CALCOCO2: variants seen among roughly 807,000 people sequenced by gnomAD.
CALCOCO2 encodes the protein calcium-binding and coiled-coil domain-containing protein 2.
CALCOCO2 carries 42 observed loss-of-function variants against 62.5 expected under a neutral mutation model. The observed-to-expected ratio is 0.67, with a 90% CI of 0.53 to 0.87. The LOEUF (loss-of-function observed/expected upper bound fraction) is 0.87. Among genes scored for constraint, CALCOCO2 ranks in the 40% least tolerant of loss-of-function variants. The pLI, the probability that CALCOCO2 is intolerant of heterozygous loss-of-function variation, is 0.00. For missense variants in CALCOCO2, 456 were observed against 515.0 expected (o/e 0.89, Z 1.11); for synonymous variants, 167 against 173.0 (o/e 0.97, Z 0.27).
rs746558307 is a variant in CALCOCO2 at position 48,841,739 on chromosome 17, C to T, written c.32C>T (p.Ser11Leu). 2 of 1,613,370 alleles carry T rather than the reference C, an allele frequency of 1.2e-6. No individual in the cohort carries two copies. Among genetic ancestry groups the T allele is most frequent in the Non-Finnish European group, 1.7e-6 (2 of 1,179,520 alleles). Residue 11 changes from serine (S) to leucine (L), a missense_variant, in exon 2 of 13, where the codon TCA (serine) becomes TTA (leucine). Physicochemically the swap from Ser to Leu is moderately radical, Grantham distance 145. Coordinates refer to ENST00000258947, the MANE Select transcript of CALCOCO2 (RefSeq NM_005831.5). ...GAGACCATCAAAGATCCCCCCACATCAGCTGTCTTGCTGGATCACTGTCAT... is the reference window on the plus strand; with the variant it reads ...GAGACCATCAAAGATCCCCCCACATTAGCTGTCTTGCTGGATCACTGTCAT... MEETIKDPPTSAVLLDHCHFS... is the reference protein window; with the variant it reads MEETIKDPPTLAVLLDHCHFS...
At position 48,863,908 on chromosome 17, in the gene CALCOCO2, G is replaced by A. The variant is rs1475968723; in HGVS notation, c.*903G>A. On this transcript the variant is annotated 3_prime_UTR_variant, in exon 13 of 13. Transcript: ENST00000258947. ...GTTTTGAAGCTCATGGGAAAATTGT[G>A]ATCAAAAGGGCTATGGGAAGGGCAG... 1 of 151,962 alleles carries A rather than the reference G, an allele frequency of 6.6e-6. No individual in the cohort carries two copies. Among genetic ancestry groups the A allele is most frequent in the African/African-American group, 2.4e-5 (1 of 41,362 alleles). The allele number at this position is 151,962 out of a possible 1,614,324, so 9.4% of individuals were successfully genotyped here.
chr17:48,859,324 A>G (rs1283247565), intron 10 of CALCOCO2, among the ~76,000 whole-genome samples: 1 of 152,158 alleles, frequency 6.6e-6, no homozygotes, highest in African/African-American at 2.4e-5. Context: ...AAGAAACTGA[A>G]AAAATATTCT....
At chr17:48,858,028 A>G (rs1274048735) in intron 10 of CALCOCO2, among the ~76,000 whole-genome samples, 7 of 15,746 alleles carry the variant, frequency 4.4e-4, no homozygotes, top group Non-Finnish European at 1.2e-3. Context: ...AGAATAGAAT[A>G]GAATAGAATA....
At chr17:48,845,459 G>A (rs2040039369) in intron 2 of CALCOCO2, among the ~76,000 whole-genome samples, 1 of 149,934 alleles carries the variant, frequency 6.7e-6, no homozygotes, top group Non-Finnish European at 1.5e-5. Context: ...GCCAGGTGCT[G>A]TGGCTCATGC....
At chr17:48,852,649 AAC>A in intron 8 of CALCOCO2, 21 bp downstream of exon 8, 3 of 1,605,936 alleles carry the variant, frequency 1.9e-6, no homozygotes, top group Non-Finnish European at 2.5e-6. Flanking sequence ...GAGAGAAAAC[AAC>A]ACTTTTAGGC....
At chr17:48,833,145 A>G (rs1235828266) in intron 1 of CALCOCO2, among the ~76,000 whole-genome samples, 1 of 152,248 alleles carries the variant, frequency 6.6e-6, no homozygotes, top group Non-Finnish European at 1.5e-5. Context: ...CACCCATAGT[A>G]TCCACTGCTG....
At chr17:48,856,575 C>A in intron 10 of CALCOCO2, 1 of 456,612 alleles carries the variant, frequency 2.2e-6, no homozygotes, top group Non-Finnish European at 4.4e-6. Context: ...TGCTGCCAAA[C>A]CAGGAGCAGA....
chr17:48,863,280 T>G lies in CALCOCO2; in HGVS notation c.*275T>G. 1 of 390,742 alleles carries G rather than the reference T, an allele frequency of 2.6e-6. No individual in the cohort carries two copies. The highest frequency in any genetic ancestry group is 4.9e-6 in the Non-Finnish European group (1 of 204,284). The allele number at this position is 390,742 out of a possible 1,614,324, so 24.2% of individuals were successfully genotyped here. ...TCTGAGGGTCTCAGTACAAGGGCCC[T>G]GGGATGGAGCCAACCTGGGTATTCA... On this transcript the variant is annotated 3_prime_UTR_variant, in exon 13 of 13. Transcript: ENST00000258947.
chr17:48,836,428 C>T (rs1006610686), intron 1 of CALCOCO2, among the ~76,000 whole-genome samples: 3 of 152,206 alleles, frequency 2.0e-5, no homozygotes, highest in African/African-American at 7.2e-5. Context: ...CTCTTAGCCC[C>T]AGAGTCACCC....
At chr17:48,856,778 CTTTTT>C (rs549613504) in intron 10 of CALCOCO2, among the ~76,000 whole-genome samples, 33 of 139,006 alleles carry the variant, frequency 2.4e-4, no homozygotes, top group African/African-American at 7.3e-4. Flanking sequence ...TCTTTCTTTT[CTTTTT>C]TTTTTTTTTC....
At chr17:48,832,430 G>C (rs1338854162) in intron 1 of CALCOCO2, among the ~76,000 whole-genome samples, 1 of 152,216 alleles carries the variant, frequency 6.6e-6, no homozygotes, top group East Asian at 1.9e-4. Flanking sequence ...TTGGCAGTAT[G>C]TATTGATAGA....
intron 9 of CALCOCO2, among the ~76,000 whole-genome samples, chr17:48,854,684 G>T (rs1215302613): frequency 2.6e-5 from 4 of 151,572 alleles, no homozygotes; most frequent in Non-Finnish European, 5.9e-5. Flanking sequence ...GGGATTACAG[G>T]TGTGAGCCAC....
At chr17:48,852,477 C>A in intron 7 of CALCOCO2, 29 bp from the exon 8 acceptor site, 1 of 1,594,708 alleles carries the variant, frequency 6.3e-7, no homozygotes, top group Non-Finnish European at 8.6e-7. Flanking sequence ...TCTTTTATAT[C>A]TTGGTTATGT....
At chr17:48,850,875 G>A (rs374781928) in intron 5 of CALCOCO2, 40 of 312,750 alleles carry the variant, frequency 1.3e-4, no homozygotes, top group East Asian at 8.3e-4. Flanking sequence ...CCAAGACTGC[G>A]CCACTGCACT....
rs1041064120 is a variant in CALCOCO2, at chr17:48,847,283, C to T, written c.181-781C>T. On this transcript the variant is annotated intron_variant, in intron 2 of 12. Transcript: ENST00000258947. ...ATATCCAGGTTGGTATATGACAAGG[C>T]TTAATTGGACACAATAGAGGACACA... is the stretch of plus-strand genomic sequence containing the variant. 1.3e-5 allele frequency among the ~76,000 whole-genome samples: 2 copies of T among 151,920 alleles called. 1 individual carries two copies. Among genetic ancestry groups the T allele is most frequent in the African/African-American group, 4.8e-5 (2 of 41,334 alleles).
intron 9 of CALCOCO2, among the ~76,000 whole-genome samples, chr17:48,854,114 G>A (rs79212243): frequency 0.012 from 1,825 of 151,498 alleles, 41 homozygotes; most frequent in African/African-American, 0.042. Flanking sequence ...TCAGGAGTTC[G>A]AGACCAGCCT....
rs752729899 is a variant in CALCOCO2 at position 48,865,181 on chromosome 17, A to C, written c.*2176A>C. 3.9e-5 allele frequency: 6 copies of C among 152,202 alleles called. No individual in the cohort carries two copies. Among genetic ancestry groups the C allele is most frequent in the Admixed American group, 6.5e-5 (1 of 15,276 alleles). 9.4% of individuals were successfully genotyped at this position (152,202 alleles called of 1,614,324 possible). On this transcript the variant is annotated 3_prime_UTR_variant, in exon 13 of 13. Coordinates refer to ENST00000258947, the MANE Select transcript of CALCOCO2 (RefSeq NM_005831.5). ...TCTTTAACCACTGTTCATTATCCCC[A>C]GCTGCTCTTACCAAGGCTTTGAAGG...
chr17:48,838,912 A>G (rs891147868), intron 1 of CALCOCO2, among the ~76,000 whole-genome samples: 1 of 152,140 alleles, frequency 6.6e-6, no homozygotes, highest in African/African-American at 2.4e-5. Flanking sequence ...GACTCACTAA[A>G]TGTTAGACCA....
rs10540361 is a variant in CALCOCO2 at position 48,861,682 on chromosome 17, CTGTGTG to C, written c.1145-575_1145-570del. Among the ~76,000 whole-genome samples the C allele has an allele frequency of 5.3e-5, 7 of 131,986 alleles. 1 individual carries two copies. The highest frequency in any genetic ancestry group is 4.7e-4 in the South Asian group (2 of 4,222). The allele number at this position is 131,986 out of a possible 152,430, so 86.6% of individuals were successfully genotyped here. Reference sequence around the variant, plus strand: ...GTGTGTATATATATATATATAAAGCCTGTGTGTGTGTGTGTGTGTGTGTGAAATGAA... The same window carrying C: ...GTGTGTATATATATATATATAAAGCCTGTGTGTGTGTGTGTGTGAAATGAA... On this transcript the variant is annotated intron_variant, in intron 11 of 12. Coordinates refer to ENST00000258947, the MANE Select transcript of CALCOCO2 (RefSeq NM_005831.5).
Sources: allele counts gnomAD v4.1 joint callset (sites outside exome capture counted in the v4.1 genomes callset), GRCh38; gene constraint gnomAD v4.1.1; transcripts MANE v1.5; gene names NCBI Gene and HGNC (gene_info 2026-07-23, HGNC 2026-07-21).